The following MAP4 variants were observed in gnomAD, a reference collection of about 807,000 sequenced individuals.
MAP4 encodes microtubule-associated protein 4.
MAP4 carries 76 observed loss-of-function variants against 170.2 expected under a neutral mutation model. That is an observed-to-expected ratio of 0.45 (90% CI 0.37 to 0.54). The LOEUF (loss-of-function observed/expected upper bound fraction) is 0.54, where lower values mean the gene tolerates loss of function less well. Among genes scored for constraint, MAP4 ranks in the 20% least tolerant of loss-of-function variants. MAP4 has a pLI of 0.00. For missense variants in MAP4, 2,506 were observed against 2,748.0 expected (o/e 0.91, Z 1.97); for synonymous variants, 909 against 994.5 (o/e 0.91, Z 1.62).
chr3:47,938,755 CT>C (rs2100054549), intron 3 of MAP4, among the ~76,000 whole-genome samples: 1 of 152,190 alleles, frequency 6.6e-6, no homozygotes, highest in Non-Finnish European at 1.5e-5. Context: ...TTTCATCTCT[CT>C]TAGTCACAGT....
At position 48,063,146 on chromosome 3, in the gene MAP4, T is replaced by TA. The variant is rs112104186; in HGVS notation, c.-20+25626dup. ...TAAGAAAAAAAGACTTCAAATTCAT[T>TA]AAAAAAAAAAAAGACAACAATGAGA... On this transcript the variant is annotated intron_variant, in intron 1 of 18. Transcript: ENST00000360240. Among the ~76,000 whole-genome samples, 1,092 of 141,782 alleles carry TA rather than the reference T, an allele frequency of 7.7e-3. 13 individuals are homozygous for TA. The highest frequency in any genetic ancestry group is 0.022 in the African/African-American group (844 of 38,874). 93.0% of individuals were successfully genotyped at this position (141,782 alleles called of 152,430 possible).
chr3:47,872,077 A>C lies in MAP4; in HGVS notation c.5781T>G (p.Pro1927=). 6.2e-7 allele frequency: 1 copy of C among 1,612,748 alleles called. No individual in the cohort carries two copies. Among genetic ancestry groups the C allele is most frequent in the Non-Finnish European group, 8.5e-7 (1 of 1,179,372 alleles). Residue 1927 remains proline (P), a synonymous_variant, in exon 13 of 21, where the codon CCT becomes CCG. Coordinates refer to ENST00000683076, the MANE Select transcript of MAP4 (RefSeq NM_001385682.1). The part of the protein sequence containing the change: ...KPKPIADAKA[P]EKRASPSKPA... ...GCTTGGATGGTGAGGCCCGCTTCTC[A>C]GGAGCCTTTGCATCTGCAATGGGCT...
At chr3:48,018,310 TAC>T (rs1416180598), upstream of MAP4, among the ~76,000 whole-genome samples, 7 of 152,098 alleles carry the variant, frequency 4.6e-5, no homozygotes, top group African/African-American at 1.4e-4. Context: ...CCTAGTAGAC[TAC>T]AGAGGAGACA....
chr3:48,075,805 T>A (rs1170882162), intron 1 of MAP4, among the ~76,000 whole-genome samples: 1 of 150,568 alleles, frequency 6.6e-6, no homozygotes, highest in Non-Finnish European at 1.5e-5. Context: ...GAAACCCCAG[T>A]CTCTACTAAA....
chr3:48,053,331 A>G (rs2100128889), intron 1 of MAP4, among the ~76,000 whole-genome samples: 3 of 148,694 alleles, frequency 2.0e-5, no homozygotes, highest in African/African-American at 7.5e-5. Context: ...TCTGTTTTGC[A>G]AGTTCCAGCA....
chr3:47,901,078 T>A (rs1373651500), intron 10 of MAP4, among the ~76,000 whole-genome samples: 1 of 152,198 alleles, frequency 6.6e-6, no homozygotes, highest in African/African-American at 2.4e-5. Context: ...TCCCCTAGAA[T>A]TCTTTACCTT....
intron 1 of MAP4, among the ~76,000 whole-genome samples, chr3:48,053,915 T>G (rs2100129236): frequency 1.3e-5 from 2 of 152,178 alleles, no homozygotes; most frequent in African/African-American, 4.8e-5. Flanking sequence ...TAGAAGAATA[T>G]ATATGAAAAT....
At chr3:47,891,037 C>G (rs903454420) in intron 10 of MAP4, 1 of 1,485,956 alleles carries the variant, frequency 6.7e-7, no homozygotes, top group Admixed American at 2.5e-5. Context: ...CACGTGGGGG[C>G]TTTTCAAACA....
chr3:47,970,863 A>T (rs2100078254), intron 3 of MAP4, among the ~76,000 whole-genome samples: 1 of 152,216 alleles, frequency 6.6e-6, no homozygotes, highest in South Asian at 2.1e-4. Flanking sequence ...ATTTTCACTT[A>T]AAGCTCAAGA....
intron 3 of MAP4, among the ~76,000 whole-genome samples, chr3:47,932,438 C>G (rs1025362520): frequency 1.3e-5 from 2 of 152,018 alleles, no homozygotes; most frequent in Non-Finnish European, 2.9e-5. Flanking sequence ...TTGATATATC[C>G]CTAGGAGTAG....
chr3:47,881,636 T>TTTTTTTTC (rs2096783090), intron 10 of MAP4, among the ~76,000 whole-genome samples: 1 of 151,180 alleles, frequency 6.6e-6, no homozygotes, highest in African/African-American at 2.4e-5. Flanking sequence ...CTTGGGCAAT[T>TTTTTTTTC]TTTTTTTCTT....
intron 10 of MAP4, among the ~76,000 whole-genome samples, chr3:47,883,407 A>G (rs1019558700): frequency 6.6e-6 from 1 of 151,800 alleles, no homozygotes; most frequent in Non-Finnish European, 1.5e-5. Context: ...TATTTTTAGT[A>G]GAGACGGGGG....
chr3:47,998,785 T>A lies in MAP4; in HGVS notation c.76A>T (p.Ile26Phe), dbSNP rs1483056139. Reference protein sequence around the residue: ...DIEGEIKRDFIATLEAEAFDD... With the variant: ...DIEGEIKRDFFATLEAEAFDD... ...AAGGCCTCTGCCTCTAGTGTGGCAA[T>A]GAAGTCCCGCTTTATCTCTCCCTCA... Residue 26 changes from isoleucine (I) to phenylalanine (F), a missense_variant, in exon 2 of 21, where the codon ATT (isoleucine) becomes TTT (phenylalanine). Around this residue, in one of 3 missense-constraint regions of MAP4, gnomAD observed 2,008 missense variants for 2,206.0 expected, o/e 0.91. Coordinates refer to ENST00000683076, the MANE Select transcript of MAP4 (RefSeq NM_001385682.1). The A allele has an allele frequency of 6.2e-7, 1 of 1,614,160 alleles. No individual in the cohort carries two copies. Among genetic ancestry groups the A allele is most frequent in the Admixed American group, 1.7e-5 (1 of 60,020 alleles).
chr3:48,001,044 C>T (rs894227635), intron 1 of MAP4, among the ~76,000 whole-genome samples: 1 of 152,116 alleles, frequency 6.6e-6, no homozygotes, highest in African/African-American at 2.4e-5. Flanking sequence ...ATCGTACCCC[C>T]AATTCCCAAA....
intron 5 of MAP4, among the ~76,000 whole-genome samples, chr3:47,920,745 T>A (rs1052349699): frequency 1.3e-5 from 2 of 151,862 alleles, no homozygotes; most frequent in African/African-American, 4.8e-5. Context: ...TAGGACAGGA[T>A]CTCCCTATGT....
intron 1 of MAP4, among the ~76,000 whole-genome samples, chr3:48,074,510 T>G (rs1198036047): frequency 9.6e-6 from 1 of 103,704 alleles, no homozygotes; most frequent in Admixed American, 8.8e-5. Context: ...ATACACACAC[T>G]TTTTTTTTTT....
intron 1 of MAP4, among the ~76,000 whole-genome samples, chr3:48,074,349 C>A (rs2100142574): frequency 6.7e-6 from 1 of 150,010 alleles, no homozygotes; most frequent in African/African-American, 2.5e-5. Flanking sequence ...AGGAGTTATA[C>A]CTAATGTAAA....
chr3:48,054,295 TCAAAAAACAAAAAAAA>T (rs955703553), intron 1 of MAP4, among the ~76,000 whole-genome samples: 3 of 146,278 alleles, frequency 2.1e-5, no homozygotes, highest in Admixed American at 1.4e-4. Flanking sequence ...AGACTCTACC[TCAAAAAACAAAAAAAA>T]CAAAAAACAA....
At chr3:47,853,487 G>A (rs1481168365) in intron 19 of MAP4, 135 bp from the exon 20 acceptor site, 1 of 666,882 alleles carries the variant, frequency 1.5e-6, no homozygotes, top group East Asian at 2.9e-5. Context: ...ACAGTCGCTT[G>A]GAGAATCCCA....
Sources: allele counts gnomAD v4.1 joint callset (sites outside exome capture counted in the v4.1 genomes callset), GRCh38; gene constraint gnomAD v4.1.1; regional missense constraint gnomAD v4.1.1; transcripts MANE v1.5; gene names NCBI Gene and HGNC (gene_info 2026-07-23, HGNC 2026-07-21).